NT5DC1: variants seen among roughly 807,000 people sequenced by gnomAD.
NT5DC1 encodes the protein 5'-nucleotidase domain-containing protein 1.
NT5DC1 carries 42 observed loss-of-function variants against 59.4 expected under a neutral mutation model. That is an observed-to-expected ratio of 0.71 (90% CI 0.55 to 0.92). The LOEUF (loss-of-function observed/expected upper bound fraction) is 0.92, where lower values mean the gene tolerates loss of function less well. Ranked by LOEUF, NT5DC1 falls within the 40% of genes least tolerant of loss-of-function variation. The pLI, the probability that NT5DC1 is intolerant of heterozygous loss-of-function variation, is 0.00. For missense variants in NT5DC1, 501 were observed against 537.1 expected (o/e 0.93, Z 0.66); for synonymous variants, 172 against 188.1 (o/e 0.91, Z 0.70).
Position 116,249,485 on chromosome 6 carries a change from T to C in NT5DC1, c.*5461T>C, listed in dbSNP as rs1435726966. Reference sequence around the variant, plus strand: ...AAACTATCATTACCGGTAATTAAAGTTGTGATACCTGATATCATTTGTCTC... The same window carrying C: ...AAACTATCATTACCGGTAATTAAAGCTGTGATACCTGATATCATTTGTCTC... On this transcript the variant is annotated 3_prime_UTR_variant, in exon 12 of 12. Coordinates refer to ENST00000319550, the MANE Select transcript of NT5DC1 (RefSeq NM_152729.3). The C allele has an allele frequency of 6.6e-6, 1 of 152,236 alleles. No individual in the cohort carries two copies. The allele number at this position is 152,236 out of a possible 1,614,324, so 9.4% of individuals were successfully genotyped here.
At chr6:116,141,039 A>G (rs1236061773) in intron 6 of NT5DC1, among the ~76,000 whole-genome samples, 1 of 152,070 alleles carries the variant, frequency 6.6e-6, no homozygotes, top group Non-Finnish European at 1.5e-5. Flanking sequence ...ATTATTTTCT[A>G]AATTGTTTCA....
At chr6:116,142,317 G>C (rs1779787868) in intron 6 of NT5DC1, among the ~76,000 whole-genome samples, 1 of 150,772 alleles carries the variant, frequency 6.6e-6, no homozygotes, top group Non-Finnish European at 1.5e-5. Context: ...ATATACTTAG[G>C]AAAATGTAGT....
chr6:116,182,139 C>G (rs1780892204), intron 6 of NT5DC1, among the ~76,000 whole-genome samples: 1 of 151,912 alleles, frequency 6.6e-6, no homozygotes, highest in South Asian at 2.1e-4. Context: ...TGAGTTACTT[C>G]ACCTAGAACC....
chr6:116,110,056 T>C (rs1714450030), intron 3 of NT5DC1, among the ~76,000 whole-genome samples: 2 of 152,188 alleles, frequency 1.3e-5, no homozygotes, highest in African/African-American at 4.8e-5. Context: ...ATATAAAATA[T>C]AACAATAGAA....
At chr6:116,216,420 C>T (rs1781688511) in intron 6 of NT5DC1, among the ~76,000 whole-genome samples, 1 of 151,454 alleles carries the variant, frequency 6.6e-6, no homozygotes, top group Admixed American at 6.6e-5. Context: ...TGTTGTGGCC[C>T]TACCCCAAAA....
At chr6:116,128,515 A>AT (rs1218916430) in intron 6 of NT5DC1, among the ~76,000 whole-genome samples, 1 of 152,034 alleles carries the variant, frequency 6.6e-6, no homozygotes, top group Non-Finnish European at 1.5e-5. Flanking sequence ...ATGAATAATG[A>AT]TTTTTTTCAC....
intron 6 of NT5DC1, among the ~76,000 whole-genome samples, chr6:116,216,279 G>A (rs1781685962): frequency 6.6e-6 from 1 of 151,920 alleles, no homozygotes; most frequent in Admixed American, 6.6e-5. Flanking sequence ...CAATGAAGCA[G>A]GCAAAATACA....
chr6:116,213,247 G>A (rs1330015805), intron 6 of NT5DC1, among the ~76,000 whole-genome samples: 2 of 152,094 alleles, frequency 1.3e-5, no homozygotes, highest in East Asian at 3.9e-4. Flanking sequence ...AGGCATGACT[G>A]GGCTGGATGT....
In NT5DC1 at chr6:116,221,156, C is replaced by T. The variant is rs1036930730; in HGVS notation, c.632C>T (p.Ala211Val). ...AAATGGCTTCGACAGCTAAAGAATG[C>T]TGGGAAAATTCTTCTGTTAATTACC... ...VKKWLRQLKN[A>V]GKILLLITSS... The change falls in exon 7 of 12, where the codon GCT becomes GTT. Residue 211 changes from alanine (A) to valine (V), a missense_variant. Physicochemically the swap from Ala to Val is moderately conservative, Grantham distance 64. Coordinates refer to ENST00000319550, the MANE Select transcript of NT5DC1 (RefSeq NM_152729.3). 5.0e-6 allele frequency: 8 copies of T among 1,589,378 alleles called. No individual in the cohort carries two copies. In the African/African-American group the frequency reaches 9.4e-5, roughly 19 times the overall value.
chr6:116,186,421 A>G (rs961680396), intron 6 of NT5DC1, among the ~76,000 whole-genome samples: 5 of 151,662 alleles, frequency 3.3e-5, no homozygotes, highest in African/African-American at 7.3e-5. Context: ...GGATGCCTAG[A>G]TCTCTAGCAA....
chr6:116,121,073 G>A lies in NT5DC1; in HGVS notation c.529+3128G>A. On this transcript the variant is annotated intron_variant, in intron 6 of 11. Transcript: ENST00000319550. ...ACCATGGCTACCCGGGATGCCTTTT[G>A]GTCCTTGGGGTCCCATATTCCCAGG... The A allele has an allele frequency of 6.2e-7, 1 of 1,614,000 alleles. No homozygotes were observed. The highest frequency in any genetic ancestry group is 8.5e-7 in the Non-Finnish European group (1 of 1,179,944).
At chr6:116,136,781 G>A (rs368524623) in intron 6 of NT5DC1, among the ~76,000 whole-genome samples, 3 of 152,228 alleles carry the variant, frequency 2.0e-5, no homozygotes, top group Non-Finnish European at 2.9e-5. Flanking sequence ...TAGTTCCAAC[G>A]GTTTGGAATC....
intron 6 of NT5DC1, among the ~76,000 whole-genome samples, chr6:116,157,451 GT>G (rs1293735335): frequency 6.6e-6 from 1 of 152,186 alleles, no homozygotes. Context: ...TTGAAACTAT[GT>G]TGAAAAAGCT....
intron 6 of NT5DC1, among the ~76,000 whole-genome samples, chr6:116,139,068 C>CA (rs1779697468): frequency 6.6e-6 from 1 of 151,490 alleles, no homozygotes; most frequent in Non-Finnish European, 1.5e-5. Context: ...AGTGCAACTA[C>CA]AAAAAAAGAT....
rs1165931849 is a variant in NT5DC1, at chr6:116,246,939, T to C, written c.*2915T>C. On this transcript the variant is annotated 3_prime_UTR_variant, in exon 12 of 12. Transcript: ENST00000319550. ...AGTAGCCTCACTAGGCTACTTCATGTACATTATCTTGTTTACTCTCTATAG... is the reference window on the plus strand; with the variant it reads ...AGTAGCCTCACTAGGCTACTTCATGCACATTATCTTGTTTACTCTCTATAG... 6.6e-6 allele frequency: 1 copy of C among 152,222 alleles called. No individual in the cohort carries two copies. Among genetic ancestry groups the C allele is most frequent in the Non-Finnish European group, 1.5e-5 (1 of 68,030 alleles). The allele number at this position is 152,222 out of a possible 1,614,324, so 9.4% of individuals were successfully genotyped here.
chr6:116,130,458 A>G (rs1249575923), intron 6 of NT5DC1, among the ~76,000 whole-genome samples: 1 of 149,552 alleles, frequency 6.7e-6, no homozygotes, highest in Non-Finnish European at 1.5e-5. Flanking sequence ...AGTTTTTTTT[A>G]TAGCTTCTTT....
At chr6:116,137,956 G>A (rs900982739) in intron 6 of NT5DC1, among the ~76,000 whole-genome samples, 29 of 152,078 alleles carry the variant, frequency 1.9e-4, no homozygotes, top group African/African-American at 6.8e-4. Flanking sequence ...GTGTGTGTCT[G>A]TAATCCAAGC....
intron 8 of NT5DC1, among the ~76,000 whole-genome samples, chr6:116,226,594 A>G (rs1037138889): frequency 2.6e-5 from 4 of 152,070 alleles, no homozygotes; most frequent in African/African-American, 9.7e-5. Context: ...TTAGTTGTAT[A>G]GTACAATTGG....
chr6:116,164,953 C>T (rs1015135762), intron 6 of NT5DC1, among the ~76,000 whole-genome samples: 8 of 151,844 alleles, frequency 5.3e-5, no homozygotes, highest in African/African-American at 1.7e-4. Context: ...AAAAAATTAG[C>T]GGACATGGTG....
Sources: gnomAD v4.1 joint callset for allele counts (sites outside exome capture counted in the v4.1 genomes callset) on GRCh38, gnomAD v4.1.1 for gene constraint, MANE v1.5 for transcripts, NCBI Gene and HGNC (gene_info 2026-07-23, HGNC 2026-07-21) for gene names.